CTNNA3: variants seen among roughly 807,000 people sequenced by gnomAD.
CTNNA3 encodes the protein catenin alpha 3, also known as catenin alpha-3.
In CTNNA3, 76 loss-of-function variants were observed where a neutral mutation model predicts 95.7. The observed-to-expected ratio is 0.79, with a 90% CI of 0.66 to 0.96. The LOEUF (loss-of-function observed/expected upper bound fraction) is 0.96. Ranked by LOEUF, CTNNA3 falls within the 40% of genes least tolerant of loss-of-function variation. The pLI is 0.00. For synonymous variants in CTNNA3, 431 were observed against 374.4 expected, an observed-to-expected ratio of 1.15 and a Z score of -1.74; for missense variants, 1,191 against 1,089.8, an observed-to-expected ratio of 1.09 and a Z score of -1.31.
chr10:67,691,581 G>T (rs570684276), intron 1 of CTNNA3, among the ~76,000 whole-genome samples: 3 of 148,502 alleles, frequency 2.0e-5, no homozygotes, highest in Admixed American at 6.6e-5. Flanking sequence ...CTGCCCGGTC[G>T]CCCCGTCTGA....
intron 7 of CTNNA3, among the ~76,000 whole-genome samples, chr10:66,977,806 A>G (rs554243640): frequency 2.6e-5 from 4 of 152,306 alleles, no homozygotes; most frequent in South Asian, 4.1e-4. Context: ...TGTACTTCCA[A>G]TTGTCACTAA....
At chr10:66,993,951 G>A in intron 7 of CTNNA3, among the ~76,000 whole-genome samples, 1 of 152,026 alleles carries the variant, frequency 6.6e-6, no homozygotes, top group Admixed American at 6.6e-5. Flanking sequence ...TTAACTTTTT[G>A]TCTTCTGATA....
chr10:66,278,977 T>C (rs915367636), intron 13 of CTNNA3, among the ~76,000 whole-genome samples: 2 of 152,074 alleles, frequency 1.3e-5, no homozygotes, highest in African/African-American at 2.4e-5. Flanking sequence ...GACATAGTCA[T>C]TGGTACAGGG....
rs139006601 is a variant in CTNNA3 at position 66,512,125 on chromosome 10, G to A, written c.1531+8492C>T. Among the ~76,000 whole-genome samples the A allele has an allele frequency of 2.4e-3, 360 of 151,858 alleles. 1 individual carries two copies. The highest frequency in any genetic ancestry group is 8.0e-3 in the African/African-American group (332 of 41,468). On this transcript the variant is annotated intron_variant, in intron 11 of 17. Transcript: ENST00000433211. ...ATTGATTTTTTAATCACTATATAAT[G>A]ACCTCTGTGTCTTTTTATCTTTTTA...
intron 4 of CTNNA3, among the ~76,000 whole-genome samples, chr10:67,530,502 C>G (rs113312882): frequency 6.6e-6 from 1 of 152,140 alleles, no homozygotes; most frequent in Non-Finnish European, 1.5e-5. Context: ...GAAATTTGAA[C>G]TTGAGAAAGA....
chr10:66,360,625 TTC>T (rs1354960166), intron 12 of CTNNA3, among the ~76,000 whole-genome samples: 2 of 40,244 alleles, frequency 5.0e-5, no homozygotes, highest in Non-Finnish European at 1.0e-4. Flanking sequence ...CTTTCTTTCT[TTC>T]TTTCTTTCTT....
intron 11 of CTNNA3, among the ~76,000 whole-genome samples, chr10:66,456,052 C>T (rs1425160608): frequency 6.6e-6 from 1 of 151,950 alleles, no homozygotes; most frequent in Non-Finnish European, 1.5e-5. Flanking sequence ...ATCAAAGGGC[C>T]AAATAAATTG....
chr10:65,926,795 T>C (rs1027696218), intron 17 of CTNNA3, among the ~76,000 whole-genome samples: 1 of 152,240 alleles, frequency 6.6e-6, no homozygotes, highest in Admixed American at 6.5e-5. Context: ...TCTACATTTT[T>C]TTTCCCATAT....
At chr10:66,472,960 G>A (rs1839188814) in intron 11 of CTNNA3, among the ~76,000 whole-genome samples, 1 of 151,884 alleles carries the variant, frequency 6.6e-6, no homozygotes, top group Admixed American at 6.6e-5. Context: ...AAATGACATT[G>A]GTAGAAAAGA....
chr10:67,648,684 G>A, intron 1 of CTNNA3: 2 of 1,142,836 alleles, frequency 1.8e-6, no homozygotes, highest in Non-Finnish European at 2.3e-6. Flanking sequence ...TACTGTTATT[G>A]GCATATGATA....
At chr10:67,729,560 T>C (rs1426844657) in intron 1 of CTNNA3, among the ~76,000 whole-genome samples, 1 of 152,144 alleles carries the variant, frequency 6.6e-6, no homozygotes, top group East Asian at 1.9e-4. Flanking sequence ...TAATAAACTT[T>C]TGTGATTTTC....
chr10:66,042,301 T>G (rs1589283213), intron 15 of CTNNA3, among the ~76,000 whole-genome samples: 1 of 152,204 alleles, frequency 6.6e-6, no homozygotes, highest in African/African-American at 2.4e-5. Context: ...AATTTATGTG[T>G]CTATCTCTTC....
intron 7 of CTNNA3, among the ~76,000 whole-genome samples, chr10:67,096,934 C>T (rs2394342): frequency 0.56 from 84,270 of 151,696 alleles, 24,772 homozygotes; most frequent in African/African-American, 0.76. Flanking sequence ...AAGGAATCTT[C>T]ATGATAAAAT....
intron 10 of CTNNA3, among the ~76,000 whole-genome samples, chr10:66,562,759 T>C (rs1842591575): frequency 1.3e-5 from 2 of 151,822 alleles, no homozygotes; most frequent in Non-Finnish European, 2.9e-5. Context: ...CTAATAACTA[T>C]ATTTATTATT....
intron 1 of CTNNA3, among the ~76,000 whole-genome samples, chr10:67,732,839 A>G (rs1841282934): frequency 6.6e-6 from 1 of 152,068 alleles, no homozygotes; most frequent in Admixed American, 6.6e-5. Flanking sequence ...AAATTAGGTT[A>G]AAGATGGCAA....
intron 5 of CTNNA3, among the ~76,000 whole-genome samples, chr10:67,290,191 C>T (rs558179775): frequency 2.0e-5 from 3 of 152,262 alleles, no homozygotes; most frequent in African/African-American, 7.2e-5. Flanking sequence ...CAGTGATTCC[C>T]TGCTTACAGT....
intron 13 of CTNNA3, among the ~76,000 whole-genome samples, chr10:66,251,037 T>C (rs1036914706): frequency 3.9e-5 from 6 of 152,254 alleles, no homozygotes; most frequent in African/African-American, 1.4e-4. Context: ...GAATGAGAGG[T>C]GATTCCTGCT....
chr10:65,990,598 T>C (rs2078524779), intron 15 of CTNNA3, among the ~76,000 whole-genome samples: 1 of 151,558 alleles, frequency 6.6e-6, no homozygotes, highest in Non-Finnish European at 1.5e-5. Context: ...CCTGTTGAGT[T>C]GTTTTAGTTC....
intron 13 of CTNNA3, among the ~76,000 whole-genome samples, chr10:66,153,299 G>T (rs1306706784): frequency 6.6e-6 from 1 of 151,802 alleles, no homozygotes; most frequent in Non-Finnish European, 1.5e-5. Context: ...TCGTCTCAGG[G>T]TTGGACTCTG....
Sources: gnomAD v4.1 joint callset for allele counts (sites outside exome capture counted in the v4.1 genomes callset) on GRCh38, gnomAD v4.1.1 for gene constraint, MANE v1.5 for transcripts, NCBI Gene and HGNC (gene_info 2026-07-23, HGNC 2026-07-21) for gene names.